Variants in NR6A1 observed in about 807,000 individuals in gnomAD.
NR6A1 encodes retinoic acid receptor-related testis-associated receptor.
NR6A1 carries 7 observed loss-of-function variants against 59.1 expected under a neutral mutation model. The observed-to-expected ratio is 0.12, with a 90% CI of 0.07 to 0.22. The LOEUF (loss-of-function observed/expected upper bound fraction) is 0.22, where lower values mean the gene tolerates loss of function less well. Ranked by LOEUF, NR6A1 falls within the 10% of genes least tolerant of loss-of-function variation. The pLI is 1.00. For synonymous variants in NR6A1, 243 were observed against 236.1 expected (o/e 1.03, Z -0.27); for missense variants, 468 against 611.6 (o/e 0.77, Z 2.48).
At position 124,538,250 on chromosome 9, in the gene NR6A1, A is replaced by C. The variant is rs777521994; in HGVS notation, c.666T>G (p.His222Gln). 1 of 1,614,182 alleles carries C rather than the reference A, an allele frequency of 6.2e-7. No homozygotes were observed. Residue 222 changes from histidine (H) to glutamine (Q), a missense_variant, in exon 6 of 10, where the codon CAT becomes CAG. Physicochemically the swap from His to Gln is conservative, Grantham distance 24. Around this residue, in one of 4 missense-constraint regions of NR6A1, gnomAD observed 151 missense variants for 142.8 expected, o/e 1.06. Transcript: ENST00000487099. The part of the protein sequence containing the change: ...EQYMGMSVPP[H>Q]YQYIPHLFSY... ...TAAAAAGGTGCGGTATATATTGGTA[A>C]TGTGGAGGCACAGACATTCCCATGT...
intron 2 of NR6A1, among the ~76,000 whole-genome samples, chr9:124,695,552 T>C (rs1433264787): frequency 6.6e-6 from 1 of 151,994 alleles, no homozygotes; most frequent in Non-Finnish European, 1.5e-5. Context: ...TTAGAAGAAA[T>C]GTGTTTTTAG....
At chr9:124,600,196 C>CA (rs937110105) in intron 2 of NR6A1, among the ~76,000 whole-genome samples, 1 of 152,116 alleles carries the variant, frequency 6.6e-6, no homozygotes, top group Non-Finnish European at 1.5e-5. Flanking sequence ...GAGGTTAAAA[C>CA]AAAAAACAAG....
chr9:124,697,495 A>G (rs1838804708), intron 2 of NR6A1, among the ~76,000 whole-genome samples: 1 of 152,162 alleles, frequency 6.6e-6, no homozygotes, highest in Non-Finnish European at 1.5e-5. Context: ...GTATAAGTAA[A>G]GACTTCAAGG....
intron 1 of NR6A1, among the ~76,000 whole-genome samples, chr9:124,763,480 A>G (rs1840837388): frequency 6.6e-6 from 1 of 152,248 alleles, no homozygotes; most frequent in Non-Finnish European, 1.5e-5. Context: ...AGGTTTGCAG[A>G]CCACACTTTG....
At chr9:124,633,823 T>A (rs1208551229) in intron 2 of NR6A1, among the ~76,000 whole-genome samples, 1 of 152,250 alleles carries the variant, frequency 6.6e-6, no homozygotes, top group Non-Finnish European at 1.5e-5. Flanking sequence ...ATCTGAGCAA[T>A]GAGATTAACC....
chr9:124,593,560 T>G (rs138974009), intron 2 of NR6A1, among the ~76,000 whole-genome samples: 11 of 152,296 alleles, frequency 7.2e-5, no homozygotes, highest in African/African-American at 2.4e-4. Flanking sequence ...CATTTAAAAA[T>G]CAATTTGGAG....
chr9:124,615,788 A>T (rs969769961), intron 2 of NR6A1, among the ~76,000 whole-genome samples: 4 of 152,158 alleles, frequency 2.6e-5, no homozygotes, highest in Admixed American at 2.6e-4. Context: ...TTGGAGCCAG[A>T]AAAACTTTGC....
At chr9:124,637,024 T>G (rs1404796442) in intron 2 of NR6A1, among the ~76,000 whole-genome samples, 5 of 152,160 alleles carry the variant, frequency 3.3e-5, no homozygotes, top group African/African-American at 7.2e-5. Context: ...CTTACTACAT[T>G]AGAGAAAAGC....
intron 2 of NR6A1, among the ~76,000 whole-genome samples, chr9:124,702,821 C>T (rs191915763): frequency 1.3e-5 from 2 of 152,146 alleles, no homozygotes; most frequent in Admixed American, 1.3e-4. Context: ...GTCAAATAAA[C>T]CTCTTCATAA....
intron 2 of NR6A1, among the ~76,000 whole-genome samples, chr9:124,658,055 C>A (rs1190958872): frequency 6.6e-6 from 1 of 152,094 alleles, no homozygotes; most frequent in East Asian, 1.9e-4. Flanking sequence ...TCAGTTAGAG[C>A]CAAGTTTATC....
intron 2 of NR6A1, among the ~76,000 whole-genome samples, chr9:124,561,766 G>T (rs763199629): frequency 1.3e-5 from 2 of 152,148 alleles, no homozygotes; most frequent in South Asian, 4.2e-4. Flanking sequence ...ACAAAAATCA[G>T]CCAGGCATGG....
chr9:124,674,724 T>C (rs1287138105), intron 2 of NR6A1, among the ~76,000 whole-genome samples: 1 of 152,210 alleles, frequency 6.6e-6, no homozygotes, highest in African/African-American at 2.4e-5. Flanking sequence ...AATATTCATA[T>C]ACCCATCTTC....
At chr9:124,643,834 TA>T (rs1369942263) in intron 2 of NR6A1, among the ~76,000 whole-genome samples, 5 of 151,600 alleles carry the variant, frequency 3.3e-5, no homozygotes, top group Non-Finnish European at 7.4e-5. Flanking sequence ...AAATTAAATA[TA>T]TTTTAAAAAT....
chr9:124,534,106 C>G (rs1380069463), intron 7 of NR6A1, among the ~76,000 whole-genome samples: 5 of 140,892 alleles, frequency 3.5e-5, no homozygotes, highest in Admixed American at 2.9e-4. Flanking sequence ...GAGTTTCGCT[C>G]TTGTCGCCCA....
intron 3 of NR6A1, among the ~76,000 whole-genome samples, chr9:124,546,755 A>G (rs1208001228): frequency 6.6e-6 from 1 of 152,244 alleles, no homozygotes; most frequent in Non-Finnish European, 1.5e-5. Flanking sequence ...AAATCAATAC[A>G]ATGTGCCACA....
chr9:124,659,908 T>C (rs1237894757), intron 2 of NR6A1, among the ~76,000 whole-genome samples: 2 of 152,242 alleles, frequency 1.3e-5, no homozygotes, highest in African/African-American at 2.4e-5. Flanking sequence ...AGCAGACTTG[T>C]TTTATTTGGT....
At chr9:124,682,326 T>A (rs1414329750) in intron 2 of NR6A1, among the ~76,000 whole-genome samples, 9 of 152,194 alleles carry the variant, frequency 5.9e-5, no homozygotes, top group Non-Finnish European at 1.2e-4. Flanking sequence ...AACTACCAAG[T>A]ATTAAGATCT....
intron 4 of NR6A1, among the ~76,000 whole-genome samples, chr9:124,541,425 T>C (rs1479020098): frequency 6.6e-6 from 1 of 152,166 alleles, no homozygotes; most frequent in East Asian, 1.9e-4. Context: ...AACTTGAAGA[T>C]ATTACCTCAC....
chr9:124,685,611 T>TA (rs765318808), intron 2 of NR6A1, among the ~76,000 whole-genome samples: 3 of 152,198 alleles, frequency 2.0e-5, no homozygotes, highest in Non-Finnish European at 2.9e-5. Context: ...ATTACAGGTG[T>TA]AAGCCACTGT....
Sources: gnomAD v4.1 joint callset for allele counts (sites outside exome capture counted in the v4.1 genomes callset) on GRCh38, gnomAD v4.1.1 for gene constraint, gnomAD v4.1.1 regional missense constraint, MANE v1.5 for transcripts, NCBI Gene and HGNC (gene_info 2026-07-23, HGNC 2026-07-21) for gene names.